The following PCDHGA7 variants were observed in gnomAD, a reference collection of about 807,000 sequenced individuals.
PCDHGA7 encodes the protein protocadherin gamma subfamily A, 7.
In PCDHGA7, 44 loss-of-function variants were observed where a neutral mutation model predicts 58.3. That is an observed-to-expected ratio of 0.75 (90% CI 0.59 to 0.97). PCDHGA7 has a LOEUF of 0.97. Among genes scored for constraint, PCDHGA7 ranks in the 50% least tolerant of loss-of-function variants. The probability of loss-of-function intolerance (pLI) is 0.00; values close to 1 mark genes in which losing one functional copy is unlikely to be tolerated. For missense variants in PCDHGA7, 1,266 were observed against 1,188.7 expected (o/e 1.06, Z -0.96); for synonymous variants, 516 against 504.2 (o/e 1.02, Z -0.31).
intron 1 of PCDHGA7, chr5:141,408,319 G>T: frequency 6.2e-7 from 1 of 1,613,896 alleles, no homozygotes; most frequent in Non-Finnish European, 8.5e-7. Context: ...CGATTCCGGA[G>T]GAGCTGGCCA....
intron 2 of PCDHGA7, among the ~76,000 whole-genome samples, chr5:141,504,402 G>A (rs2099837969): frequency 6.6e-6 from 1 of 152,170 alleles, no homozygotes; most frequent in Admixed American, 6.6e-5. Context: ...AGCCAGTGTG[G>A]TGGAGGAACA....
At chr5:141,441,872 G>A (rs1400648028) in intron 1 of PCDHGA7, 4 of 341,526 alleles carry the variant, frequency 1.2e-5, no homozygotes, top group East Asian at 9.4e-5. Context: ...GCGGAGCCTG[G>A]CTACCTGGTC....
At chr5:141,404,635 A>C (rs2094549114) in intron 1 of PCDHGA7, 1 of 1,614,130 alleles carries the variant, frequency 6.2e-7, no homozygotes, top group Non-Finnish European at 8.5e-7. Context: ...ATGCCCCAGA[A>C]ATCCTGTACC....
At chr5:141,407,960 C>T in intron 1 of PCDHGA7, 1 of 669,186 alleles carries the variant, frequency 1.5e-6, no homozygotes, top group Non-Finnish European at 2.4e-6. Flanking sequence ...CAGTGCAGAG[C>T]AAGCGCTGAC....
intron 1 of PCDHGA7, among the ~76,000 whole-genome samples, chr5:141,430,066 G>A (rs550834063): frequency 4.1e-4 from 62 of 152,102 alleles, no homozygotes; most frequent in Non-Finnish European, 8.4e-4. Flanking sequence ...TCATTTTTAG[G>A]TTTCCATAAT....
At chr5:141,495,923 T>G (rs1337381299) in intron 2 of PCDHGA7, among the ~76,000 whole-genome samples, 4 of 152,306 alleles carry the variant, frequency 2.6e-5, no homozygotes, top group South Asian at 2.1e-4. Context: ...TTTCTTTGTC[T>G]CTGTCTCTGG....
At position 141,487,493 on chromosome 5, in the gene PCDHGA7, C is replaced by A. The variant is rs1372433097; in HGVS notation, c.2425-7314C>A. 5.6e-6 allele frequency: 9 copies of A among 1,614,050 alleles called. No individual in the cohort carries two copies. The highest frequency in any genetic ancestry group is 6.8e-6 in the Non-Finnish European group (8 of 1,180,034). On this transcript the variant is annotated intron_variant, in intron 1 of 3. Coordinates refer to ENST00000518325, the MANE Select transcript of PCDHGA7 (RefSeq NM_018920.4). This position sits in a 1 kb window ranked among gnomAD's most constrained non-coding sequence, Gnocchi z 5.0. ...GGGAGGCCACTCTCATGGCTGTACACCCTTGGCTTCTGCACCCACTCGGAG... is the reference window on the plus strand; with the variant it reads ...GGGAGGCCACTCTCATGGCTGTACAACCTTGGCTTCTGCACCCACTCGGAG...
Position 141,383,109 on chromosome 5 carries a change from T to A in PCDHGA7, c.210T>A (p.Gly70=). 1 of 1,613,908 alleles carries A rather than the reference T, an allele frequency of 6.2e-7. No homozygotes were observed. The highest frequency in any genetic ancestry group is 8.5e-7 in the Non-Finnish European group (1 of 1,179,920). Residue 70 remains glycine (G), a synonymous_variant, in exon 1 of 4, where the codon GGT becomes GGA. Transcript: ENST00000518325. ...GCGGAGTCCGCATCATCTCCAGAGG[T>A]AGGACGCAGCTTTTCGCCCTGAACC... ...AERGVRIISR[G]RTQLFALNQR...
At chr5:141,407,978 A>T (rs1354199341) in intron 1 of PCDHGA7, 8 of 743,974 alleles carry the variant, frequency 1.1e-5, no homozygotes, top group Non-Finnish European at 1.4e-5. Flanking sequence ...GACGCCGGGG[A>T]TCCGTCAGCC....
At chr5:141,387,320 A>C (rs1461293740) in intron 1 of PCDHGA7, among the ~76,000 whole-genome samples, 1 of 152,234 alleles carries the variant, frequency 6.6e-6, no homozygotes, top group East Asian at 1.9e-4. Flanking sequence ...ATGAGTAAGT[A>C]TGGAAAATTA....
chr5:141,419,333 A>G, intron 1 of PCDHGA7: 2 of 1,613,804 alleles, frequency 1.2e-6, no homozygotes, highest in South Asian at 1.1e-5. Context: ...CTACTCTCTC[A>G]TTGCCAGCGA....
At chr5:141,423,025 G>A in intron 1 of PCDHGA7, 1 of 1,614,222 alleles carries the variant, frequency 6.2e-7, no homozygotes, top group Non-Finnish European at 8.5e-7. Context: ...CAAAGATTCA[G>A]GCCAGAACGC....
At position 141,385,211 on chromosome 5, in the gene PCDHGA7, C is replaced by T. The variant is rs1781001155; in HGVS notation, c.2312C>T (p.Pro771Leu). Residue 771 changes from proline (P) to leucine (L), a missense_variant, in exon 1 of 4, where the codon CCC becomes CTC. Transcript: ENST00000518325. The part of the protein sequence containing the change: ...ADSRKSHLIF[P>L]QPNYVDMLIS... ...TCTCGGAAGAGTCACCTGATCTTCC[C>T]CCAGCCCAACTATGTAGACATGCTC... 6.2e-7 allele frequency: 1 copy of T among 1,614,082 alleles called. No homozygotes were observed. Among genetic ancestry groups the T allele is most frequent in the Admixed American group, 1.7e-5 (1 of 60,000 alleles).
chr5:141,491,945 C>T lies in PCDHGA7; in HGVS notation c.2425-2862C>T. ...GAGGGGAGGTGGGACCGACCCCCAC[C>T]CCTACACTCAAAAAAGGCCGGGGCC... On this transcript the variant is annotated intron_variant, in intron 1 of 3. Coordinates refer to ENST00000518325, the MANE Select transcript of PCDHGA7 (RefSeq NM_018920.4). The surrounding 1 kb of genome is among the most constrained non-coding windows in gnomAD (Gnocchi z 6.9). 1.8e-6 allele frequency: 2 copies of T among 1,116,616 alleles called. No individual in the cohort carries two copies. 69.2% of individuals were successfully genotyped at this position (1,116,616 alleles called of 1,614,324 possible). A position where few individuals can be genotyped will look rare whatever the true frequency, so the allele number is the denominator to read the frequency against.
rs771162532 is a variant in PCDHGA7, at chr5:141,491,756, C to A, written c.2425-3051C>A. On this transcript the variant is annotated intron_variant, in intron 1 of 3. Transcript: ENST00000518325. The surrounding 1 kb of genome is among the most constrained non-coding windows in gnomAD (Gnocchi z 6.9). ...CCTGGGGGCGGCACTGGAGAAGCCGCCCGTCCTCATAAGGGATTGAACTTG... is the reference window on the plus strand; with the variant it reads ...CCTGGGGGCGGCACTGGAGAAGCCGACCGTCCTCATAAGGGATTGAACTTG... The A allele has an allele frequency of 6.3e-7, 1 of 1,581,720 alleles. No individual in the cohort carries two copies. Among genetic ancestry groups the A allele is most frequent in the Middle Eastern group, 1.7e-4 (1 of 5,958 alleles).
chr5:141,419,968 T>G lies in PCDHGA7; in HGVS notation c.2424+34645T>G, dbSNP rs766617414. ...CCTTGGCCTTGATTTCTGTGCTCTT[T>G]CTCCTCGCGGTGATTCTAGCTATTG... is the stretch of plus-strand genomic sequence containing the variant. On this transcript the variant is annotated intron_variant, in intron 1 of 3. Transcript: ENST00000518325. The G allele has an allele frequency of 6.2e-6, 10 of 1,614,036 alleles. No homozygotes were observed. The South Asian group carries it at 1.1e-4, about 18-fold the overall frequency.
At position 141,512,114 on chromosome 5, in the gene PCDHGA7, C is replaced by T. The variant is rs2099884080; in HGVS notation, c.*941C>T. ...TAACTAGGCTGGACCCTTCCCACTA[C>T]ATAATAGGGCTCAGCCCAGGCAGCC... On this transcript the variant is annotated 3_prime_UTR_variant, in exon 4 of 4. Coordinates refer to ENST00000518325, the MANE Select transcript of PCDHGA7 (RefSeq NM_018920.4). 2 of 152,696 alleles carry T rather than the reference C, an allele frequency of 1.3e-5. No homozygotes were observed. Among genetic ancestry groups the T allele is most frequent in the African/African-American group, 4.8e-5 (2 of 41,468 alleles). 9.5% of individuals were successfully genotyped at this position (152,696 alleles called of 1,614,324 possible).
At chr5:141,443,059 A>G (rs148799842) in intron 1 of PCDHGA7, among the ~76,000 whole-genome samples, 145 of 152,348 alleles carry the variant, frequency 9.5e-4, no homozygotes, top group African/African-American at 3.3e-3. Context: ...GTTCCACTGA[A>G]GAGCGTCTTA....
At chr5:141,453,205 G>C (rs570291941) in intron 1 of PCDHGA7, among the ~76,000 whole-genome samples, 2 of 151,872 alleles carry the variant, frequency 1.3e-5, no homozygotes, top group Non-Finnish European at 2.9e-5. Context: ...CCTCAACCTC[G>C]TGCACTTAAG....
Sources: allele counts gnomAD v4.1 joint callset (sites outside exome capture counted in the v4.1 genomes callset), GRCh38; gene constraint gnomAD v4.1.1; non-coding constraint Gnocchi (gnomAD v3.1); transcripts MANE v1.5; gene names NCBI Gene and HGNC (gene_info 2026-07-23, HGNC 2026-07-21).